The following LAMC1 variants were observed in gnomAD, a reference collection of about 807,000 sequenced individuals.
LAMC1 encodes laminin subunit gamma 1, also known as laminin subunit gamma-1.
Under a neutral mutation model 173.6 loss-of-function variants are expected in LAMC1, and 38 were observed. The observed-to-expected ratio is 0.22, with a 90% CI of 0.17 to 0.29. The LOEUF (loss-of-function observed/expected upper bound fraction) is 0.29. Ranked by LOEUF, LAMC1 falls within the 10% of genes least tolerant of loss-of-function variation. The pLI is 1.00. For missense variants in LAMC1, 1,824 were observed against 2,051.8 expected (o/e 0.89, Z 2.14); for synonymous variants, 746 against 749.1 (o/e 1.00, Z 0.07).
rs1012514974 is a variant in LAMC1 at position 183,072,911 on chromosome 1, G to A, written c.419-30417G>A. Among the ~76,000 whole-genome samples, 4 of 152,184 alleles carry A rather than the reference G, an allele frequency of 2.6e-5. 1 individual carries two copies. The highest frequency in any genetic ancestry group is 2.1e-4 in the South Asian group (1 of 4,830). On this transcript the variant is annotated intron_variant, in intron 1 of 27. Coordinates refer to ENST00000258341, the MANE Select transcript of LAMC1 (RefSeq NM_002293.4). The stretch of plus-strand genomic sequence containing the variant: ...TCTCCCATTGCCCCCAGATGGGGCC[G>A]TCTAGTTGCAGGAAAACAAGCTCAG...
At chr1:183,032,486 A>G (rs1029984423) in intron 1 of LAMC1, among the ~76,000 whole-genome samples, 11 of 151,844 alleles carry the variant, frequency 7.2e-5, no homozygotes, top group Non-Finnish European at 1.5e-4. Context: ...TGGAGGAGAT[A>G]GTAATTCAAA....
Position 183,090,133 on chromosome 1 carries a change from C to G in LAMC1, c.419-13195C>G, listed in dbSNP as rs538276306. The stretch of plus-strand genomic sequence containing the variant: ...TTCCTCTGCTCAGCTCATTGGAACA[C>G]TTATTCTATTTTATAGAGTAAGATG... On this transcript the variant is annotated intron_variant, in intron 1 of 27. Coordinates refer to ENST00000258341, the MANE Select transcript of LAMC1 (RefSeq NM_002293.4). Among the ~76,000 whole-genome samples, 96 of 152,234 alleles carry G rather than the reference C, an allele frequency of 6.3e-4. 1 individual carries two copies. The Middle Eastern group carries it at 0.024, about 38-fold the overall frequency.
At chr1:183,114,829 A>G (rs1281343072) in intron 5 of LAMC1, 110 bp downstream of exon 5, 6 of 1,028,900 alleles carry the variant, frequency 5.8e-6, no homozygotes, top group African/African-American at 1.6e-5. Flanking sequence ...AGATGTATAC[A>G]TTATTGTAAC....
Position 183,134,518 on chromosome 1 carries a change from T to A in LAMC1, c.3850-142T>A, listed in dbSNP as rs3768614. The A allele has an allele frequency of 0.15, 86,054 of 586,942 alleles. 7,383 individuals are homozygous for A. The highest frequency in any genetic ancestry group is 0.26 in the South Asian group (7,037 of 27,486). 36.4% of individuals were successfully genotyped at this position (586,942 alleles called of 1,614,324 possible). On this transcript the variant is annotated intron_variant, in intron 22 of 27. Coordinates refer to ENST00000258341, the MANE Select transcript of LAMC1 (RefSeq NM_002293.4). Reference sequence around the variant, plus strand: ...TGGGTGTAAAGTATATCTCATTTTTTAAAAAAGTCCATAAAATCTTGATCT... The same window carrying A: ...TGGGTGTAAAGTATATCTCATTTTTAAAAAAAGTCCATAAAATCTTGATCT...
intron 1 of LAMC1, among the ~76,000 whole-genome samples, chr1:183,089,935 T>A (rs1006996258): frequency 6.6e-6 from 1 of 152,176 alleles, no homozygotes; most frequent in Non-Finnish European, 1.5e-5. Flanking sequence ...CTGGTTTGTT[T>A]AAGTAACAAA....
chr1:183,030,329 C>G (rs1207934652), intron 1 of LAMC1, among the ~76,000 whole-genome samples: 1 of 152,124 alleles, frequency 6.6e-6, no homozygotes, highest in Non-Finnish European at 1.5e-5. Context: ...ATAGTAAGTC[C>G]TAAGTGAGAG....
chr1:183,121,261 A>AG (rs1656464077), intron 11 of LAMC1, among the ~76,000 whole-genome samples: 1 of 151,026 alleles, frequency 6.6e-6, no homozygotes, highest in African/African-American at 2.4e-5. Flanking sequence ...TCTTCTAAAA[A>AG]AAAAAAATAC....
intron 22 of LAMC1, 54 bp downstream of exon 22, chr1:183,133,604 G>T (rs1656860622): frequency 1.3e-6 from 2 of 1,521,676 alleles, no homozygotes; most frequent in Admixed American, 2.0e-5. Flanking sequence ...CCAAGTCTAT[G>T]TGAGAGCCGA....
At chr1:183,094,291 C>A (rs1349763837) in intron 1 of LAMC1, among the ~76,000 whole-genome samples, 3 of 152,230 alleles carry the variant, frequency 2.0e-5, no homozygotes, top group Non-Finnish European at 4.4e-5. Context: ...TTCTTCAGGA[C>A]TCTGCTCAGA....
At position 183,116,578 on chromosome 1, in the gene LAMC1, C is replaced by T; in HGVS notation, c.1330C>T (p.Pro444Ser). Residue 444 changes from proline to serine, a missense_variant and splice_region_variant, in exon 7 of 28, where the codon CCA becomes TCA. Physicochemically the swap from Pro to Ser is moderately conservative, Grantham distance 74. Coordinates refer to ENST00000258341, the MANE Select transcript of LAMC1 (RefSeq NM_002293.4). Reference protein sequence around the residue: ...FHSLTEAGCRPCSCDPSGSID... With the variant: ...FHSLTEAGCRSCSCDPSGSID... ...TTTTATCCATTTTTCATTGAATAGG[C>T]CATGCTCTTGTGATCCCTCTGGCAG... 2 of 1,591,770 alleles carry T rather than the reference C, an allele frequency of 1.3e-6. No homozygotes were observed. The highest frequency in any genetic ancestry group is 1.7e-6 in the Non-Finnish European group (2 of 1,161,288).
chr1:183,126,802 A>G (rs1436530259), intron 16 of LAMC1, among the ~76,000 whole-genome samples: 1 of 152,236 alleles, frequency 6.6e-6, no homozygotes, highest in Non-Finnish European at 1.5e-5. Flanking sequence ...AGCATAAGTA[A>G]TTGACTCAGT....
intron 1 of LAMC1, among the ~76,000 whole-genome samples, chr1:183,063,889 C>G (rs953748592): frequency 6.6e-6 from 1 of 152,130 alleles, no homozygotes; most frequent in African/African-American, 2.4e-5. Flanking sequence ...GTAATTGATA[C>G]GGATCCCTCC....
intron 1 of LAMC1, among the ~76,000 whole-genome samples, chr1:183,036,683 G>A (rs905295840): frequency 1.3e-5 from 2 of 151,858 alleles, no homozygotes; most frequent in Admixed American, 6.6e-5. Context: ...GAGCCACTGC[G>A]CACAGCTGAA....
intron 1 of LAMC1, among the ~76,000 whole-genome samples, chr1:183,087,792 G>T (rs1395051713): frequency 6.6e-6 from 1 of 151,788 alleles, no homozygotes; most frequent in Non-Finnish European, 1.5e-5. Context: ...TAGGAAAAAG[G>T]CATTTATTTA....
At chr1:183,064,525 T>C (rs984060539) in intron 1 of LAMC1, among the ~76,000 whole-genome samples, 6 of 152,184 alleles carry the variant, frequency 3.9e-5, no homozygotes. Flanking sequence ...TATATGTATA[T>C]TTTTAAAAGA....
intron 1 of LAMC1, among the ~76,000 whole-genome samples, chr1:183,055,445 A>T (rs1273212443): frequency 1.3e-5 from 2 of 151,448 alleles, no homozygotes; most frequent in Non-Finnish European, 2.9e-5. Context: ...TTGTAAAAAA[A>T]GTTAGGGTAA....
rs1347532232 is a variant in LAMC1 at position 183,136,540 on chromosome 1, G to A, written c.4269G>A (p.Lys1423=). The A allele has an allele frequency of 6.2e-7, 1 of 1,613,784 alleles. No homozygotes were observed. Among genetic ancestry groups the A allele is most frequent in the Admixed American group, 1.7e-5 (1 of 59,922 alleles). ...GSAAADATEA[K]NKAHEAERIA... ...CTGCGGCGGATGCCACAGAGGCCAA[G>A]AACAAGGCCCATGAGGCGGAGAGGA... The change falls in exon 25 of 28, where the codon AAG becomes AAA. Residue 1423 remains lysine (K), a synonymous_variant. Coordinates refer to ENST00000258341, the MANE Select transcript of LAMC1 (RefSeq NM_002293.4).
At chr1:183,065,216 T>TA (rs1654847453) in intron 1 of LAMC1, among the ~76,000 whole-genome samples, 2 of 152,206 alleles carry the variant, frequency 1.3e-5, no homozygotes, top group Non-Finnish European at 2.9e-5. Context: ...AACACCATCT[T>TA]ATATGTGGTT....
chr1:183,052,947 C>G lies in LAMC1; in HGVS notation c.418+28813C>G, dbSNP rs115082387. On this transcript the variant is annotated intron_variant, in intron 1 of 27. Coordinates refer to ENST00000258341, the MANE Select transcript of LAMC1 (RefSeq NM_002293.4). Reference sequence around the variant, plus strand: ...GAATGGGAACTTAAAGAATTATTGTCTTAAGGGTATGTGGGTTTCCTTATC... The same window carrying G: ...GAATGGGAACTTAAAGAATTATTGTGTTAAGGGTATGTGGGTTTCCTTATC... Among the ~76,000 whole-genome samples, 1,266 of 152,196 alleles carry G rather than the reference C, an allele frequency of 8.3e-3. 19 individuals are homozygous for G. The highest frequency in any genetic ancestry group is 0.029 in the African/African-American group (1,195 of 41,514).
Sources: allele counts gnomAD v4.1 joint callset (sites outside exome capture counted in the v4.1 genomes callset), GRCh38; gene constraint gnomAD v4.1.1; transcripts MANE v1.5; gene names NCBI Gene and HGNC (gene_info 2026-07-23, HGNC 2026-07-21).